SIDT1: variants seen among roughly 807,000 people sequenced by gnomAD.
SIDT1 encodes the protein SID1 transmembrane family member 1, also known as SID1 transmembrane family, member 1.
SIDT1 carries 101 observed loss-of-function variants against 107.5 expected under a neutral mutation model. The ratio of observed to expected loss-of-function variants is 0.94; its 90% confidence interval spans 0.80 to 1.11. The LOEUF (loss-of-function observed/expected upper bound fraction) is 1.11. SIDT1 is among the 50% of genes least tolerant of loss of function. The pLI is 0.00. For synonymous variants in SIDT1, 395 were observed against 398.2 expected, an observed-to-expected ratio of 0.99 and a Z score of 0.10; for missense variants, 1,076 against 1,058.2, an observed-to-expected ratio of 1.02 and a Z score of -0.23.
chr3:113,579,300 G>C (rs1034428703), intron 4 of SIDT1, among the ~76,000 whole-genome samples: 2 of 152,118 alleles, frequency 1.3e-5, no homozygotes, highest in African/African-American at 4.8e-5. Context: ...ACTTTCAGTG[G>C]GTGTTTACTG....
chr3:113,576,868 C>T lies in SIDT1; in HGVS notation c.516-54C>T, dbSNP rs371138417. ...TAAATAAATAATTTTTGCTCACTAA[C>T]TTATGCTTTTCTCTCACTTTTCCCC... On this transcript the variant is annotated intron_variant, in intron 3 of 24. Coordinates refer to ENST00000264852, the MANE Select transcript of SIDT1 (RefSeq NM_017699.3). The T allele has an allele frequency of 3.3e-4, 520 of 1,569,614 alleles. 3 individuals carry two copies. The African/African-American group carries it at 6.4e-3, about 19-fold the overall frequency.
At chr3:113,620,297 A>G (rs2107800799) in intron 21 of SIDT1, among the ~76,000 whole-genome samples, 1 of 151,258 alleles carries the variant, frequency 6.6e-6, no homozygotes, top group East Asian at 1.9e-4. Context: ...CTCTTTCCCC[A>G]TGGCCTTTGT....
At chr3:113,534,891 C>T (rs985573180) in intron 1 of SIDT1, among the ~76,000 whole-genome samples, 1 of 152,200 alleles carries the variant, frequency 6.6e-6, no homozygotes, top group African/African-American at 2.4e-5. Context: ...ACCTGGTTGA[C>T]TTCCCTAGTA....
chr3:113,564,771 A>C (rs566669908), intron 1 of SIDT1, among the ~76,000 whole-genome samples: 1 of 152,342 alleles, frequency 6.6e-6, no homozygotes, highest in African/African-American at 2.4e-5. Flanking sequence ...TGCCTGTGGA[A>C]GACTCAGAGC....
intron 19 of SIDT1, chr3:113,614,996 T>C (rs887557601): frequency 1.5e-5 from 22 of 1,503,252 alleles, no homozygotes; most frequent in South Asian, 2.4e-5. Flanking sequence ...GTAGTTTACA[T>C]GTTTGGCTAC....
In SIDT1 at chr3:113,612,180, G is replaced by T. The variant is rs770409835; in HGVS notation, c.1952G>T (p.Gly651Val). The T allele has an allele frequency of 4.8e-5, 78 of 1,612,738 alleles. No homozygotes were observed. The Admixed American group carries it at 1.3e-3, about 26-fold the overall frequency. The change falls in exon 19 of 25, where the codon GGT becomes GTT. Residue 651 changes from glycine (G) to valine (V), a missense_variant. Physicochemically the swap from Gly to Val is moderately radical, Grantham distance 109. Transcript: ENST00000264852. Reference sequence around the variant, plus strand: ...CTCAGCACCCAGATATATTATATGGGTCGTTTCAAGATAGGTGAGTCACCT... The same window carrying T: ...CTCAGCACCCAGATATATTATATGGTTCGTTTCAAGATAGGTGAGTCACCT... ...LALSTQIYYM[G>V]RFKIDLGIFR...
intron 24 of SIDT1, among the ~76,000 whole-genome samples, chr3:113,627,028 C>T (rs1345017223): frequency 1.3e-5 from 2 of 152,108 alleles, no homozygotes; most frequent in Admixed American, 6.5e-5. Flanking sequence ...TACTTTTGAT[C>T]GTCACCTTCA....
intron 1 of SIDT1, among the ~76,000 whole-genome samples, chr3:113,561,311 C>G (rs1251444334): frequency 6.6e-6 from 1 of 152,166 alleles, no homozygotes; most frequent in Non-Finnish European, 1.5e-5. Flanking sequence ...CTTCTATCTC[C>G]TACTCTAATA....
At chr3:113,604,763 A>G in intron 13 of SIDT1, 147 bp from the exon 14 acceptor site, 1 of 800,364 alleles carries the variant, frequency 1.2e-6, no homozygotes, top group Non-Finnish European at 2.0e-6. Flanking sequence ...GGACAACTGG[A>G]GAAACAAGAA....
At position 113,623,525 on chromosome 3, in the gene SIDT1, T is replaced by C; in HGVS notation, c.2189T>C (p.Ile730Thr). 6.2e-7 allele frequency: 1 copy of C among 1,613,214 alleles called. No individual in the cohort carries two copies. The highest frequency in any genetic ancestry group is 1.1e-5 in the South Asian group (1 of 91,070). ...TTGCTGTACCTGGCCTTTTACATCATCATGAAGGTAAGAGCGGGTGCCGGG... is the reference window on the plus strand; with the variant it reads ...TTGCTGTACCTGGCCTTTTACATCACCATGAAGGTAAGAGCGGGTGCCGGG... ...NLLLYLAFYI[I>T]MKLRSSEKVL... The change falls in exon 22 of 25, where the codon ATC (isoleucine) becomes ACC (threonine). Residue 730 changes from isoleucine to threonine, a missense_variant. Coordinates refer to ENST00000264852, the MANE Select transcript of SIDT1 (RefSeq NM_017699.3).
chr3:113,538,359 G>A lies in SIDT1; in HGVS notation c.222+5116G>A, dbSNP rs570920449. On this transcript the variant is annotated intron_variant, in intron 1 of 24. Coordinates refer to ENST00000264852, the MANE Select transcript of SIDT1 (RefSeq NM_017699.3). ...TATGGAGGAGCTGCCTTCTGCCTAC[G>A]CAGACTTGATAATCAGGTGGTAAGT... 3.9e-5 allele frequency among the ~76,000 whole-genome samples: 6 copies of A among 152,302 alleles called. No homozygotes were observed. The South Asian group carries it at 6.2e-4, about 16-fold the overall frequency.
intron 3 of SIDT1, among the ~76,000 whole-genome samples, chr3:113,570,174 G>A (rs1400005077): frequency 1.3e-5 from 2 of 152,180 alleles, no homozygotes; most frequent in Non-Finnish European, 2.9e-5. Context: ...CAAAGTGCTG[G>A]TATTACAGGC....
At chr3:113,621,349 A>T (rs527722186) in intron 21 of SIDT1, among the ~76,000 whole-genome samples, 2 of 152,250 alleles carry the variant, frequency 1.3e-5, no homozygotes, top group East Asian at 3.9e-4. Flanking sequence ...TCACACTTAG[A>T]ATCACAACAC....
At chr3:113,595,915 A>T (rs1944512984) in intron 10 of SIDT1, among the ~76,000 whole-genome samples, 1 of 152,174 alleles carries the variant, frequency 6.6e-6, no homozygotes, top group Non-Finnish European at 1.5e-5. Flanking sequence ...TAGGCATCTC[A>T]AACAGAGCAT....
At chr3:113,616,833 C>T (rs1235085097) in intron 20 of SIDT1, among the ~76,000 whole-genome samples, 2 of 151,864 alleles carry the variant, frequency 1.3e-5, no homozygotes, top group Non-Finnish European at 2.9e-5. Flanking sequence ...GGATTACGGG[C>T]ATGTGCCACC....
chr3:113,571,701 A>C (rs1201336371), intron 3 of SIDT1, among the ~76,000 whole-genome samples: 1 of 152,254 alleles, frequency 6.6e-6, no homozygotes, highest in East Asian at 1.9e-4. Flanking sequence ...TGGGAGACCA[A>C]GGCGGGCAGA....
chr3:113,611,185 C>G, intron 18 of SIDT1, 41 bp downstream of exon 18: 1 of 1,603,784 alleles, frequency 6.2e-7, no homozygotes, highest in Non-Finnish European at 8.5e-7. Flanking sequence ...TCGAAAAGTG[C>G]CCCCCTAGGT....
intron 9 of SIDT1, among the ~76,000 whole-genome samples, chr3:113,591,966 G>C (rs1414516934): frequency 6.6e-6 from 1 of 152,200 alleles, no homozygotes; most frequent in Non-Finnish European, 1.5e-5. Flanking sequence ...GCCATAAAAA[G>C]ACTGAAGTAC....
At chr3:113,605,662 T>C (rs1383030979) in intron 14 of SIDT1, among the ~76,000 whole-genome samples, 1 of 152,192 alleles carries the variant, frequency 6.6e-6, no homozygotes, top group African/African-American at 2.4e-5. Context: ...TGATAGCTAA[T>C]CTAGCCTGTG....
Sources: allele counts gnomAD v4.1 joint callset (sites outside exome capture counted in the v4.1 genomes callset), GRCh38; gene constraint gnomAD v4.1.1; transcripts MANE v1.5; gene names NCBI Gene and HGNC (gene_info 2026-07-23, HGNC 2026-07-21).